Variants in VEPH1 observed in about 807,000 individuals in gnomAD.
The protein encoded by VEPH1 is ventricular zone expressed PH domain containing 1, also known as ventricular zone-expressed PH domain-containing protein homolog 1.
VEPH1 carries 80 observed loss-of-function variants against 85.2 expected under a neutral mutation model. That is an observed-to-expected ratio of 0.94 (90% CI 0.78 to 1.13). The LOEUF (loss-of-function observed/expected upper bound fraction) is 1.13. VEPH1 is among the 50% of genes most tolerant of loss of function. The pLI is 0.00. For missense variants in VEPH1, 955 were observed against 980.5 expected (o/e 0.97, Z 0.35); for synonymous variants, 297 against 348.0 (o/e 0.85, Z 1.63).
rs1739592151 is a variant in VEPH1 at position 157,495,435 on chromosome 3, TAGA to T, written c.-89_-87del. On this transcript the variant is annotated 5_prime_UTR_variant, in exon 2 of 14. Transcript: ENST00000362010. ...CAGAGGTCAGTAAGACAAAAACATG[TAGA>T]AGGAGGTATACTTCTTATTCCATGA... 1.3e-6 allele frequency: 2 copies of T among 1,557,484 alleles called. No individual in the cohort carries two copies. The highest frequency in any genetic ancestry group is 1.7e-6 in the Non-Finnish European group (2 of 1,154,888).
intron 2 of VEPH1, among the ~76,000 whole-genome samples, chr3:157,480,466 C>T (rs1020407385): frequency 5.0e-4 from 76 of 152,190 alleles, no homozygotes; most frequent in African/African-American, 1.7e-3. Context: ...CTCCCTCTTT[C>T]TCTAGTCTCC....
intron 9 of VEPH1, among the ~76,000 whole-genome samples, chr3:157,319,804 G>T (rs1257559356): frequency 2.6e-5 from 4 of 152,100 alleles, no homozygotes; most frequent in Non-Finnish European, 5.9e-5. Context: ...GAGCCTACCA[G>T]CTTTTTATAC....
chr3:157,361,647 A>G (rs1478476684), intron 9 of VEPH1, among the ~76,000 whole-genome samples: 1 of 152,190 alleles, frequency 6.6e-6, no homozygotes, highest in Non-Finnish European at 1.5e-5. Flanking sequence ...CTGCCTAAGA[A>G]TTGTTATTGT....
At chr3:157,475,336 T>A (rs149676133) in intron 2 of VEPH1, among the ~76,000 whole-genome samples, 1 of 152,250 alleles carries the variant, frequency 6.6e-6, no homozygotes, top group Admixed American at 6.5e-5. Context: ...ATTAAATATA[T>A]GTCTCTTCTT....
intron 11 of VEPH1, among the ~76,000 whole-genome samples, chr3:157,310,289 C>T (rs1382174443): frequency 6.6e-6 from 1 of 152,170 alleles, no homozygotes; most frequent in East Asian, 1.9e-4. Context: ...AGGTGGGGTG[C>T]TGGCTAGGGA....
intron 9 of VEPH1, among the ~76,000 whole-genome samples, chr3:157,318,240 G>T (rs1210798304): frequency 6.6e-6 from 1 of 152,160 alleles, no homozygotes; most frequent in Non-Finnish European, 1.5e-5. Context: ...TTTTTAATCT[G>T]TAGAGTCATA....
chr3:157,451,724 C>T (rs931478319), intron 4 of VEPH1, among the ~76,000 whole-genome samples: 2 of 152,134 alleles, frequency 1.3e-5, no homozygotes, highest in Admixed American at 1.3e-4. Flanking sequence ...GAGGCAAACA[C>T]CCCTGCCACA....
chr3:157,494,582 C>A (rs952400066), intron 2 of VEPH1, among the ~76,000 whole-genome samples: 2 of 152,134 alleles, frequency 1.3e-5, no homozygotes, highest in African/African-American at 4.8e-5. Context: ...TCTGATCACA[C>A]TGGGGACTAA....
At position 157,414,005 on chromosome 3, in the gene VEPH1, A is replaced by C; in HGVS notation, c.782T>G (p.Ile261Arg). 6.2e-7 allele frequency: 1 copy of C among 1,613,148 alleles called. No individual in the cohort carries two copies. The highest frequency in any genetic ancestry group is 8.5e-7 in the Non-Finnish European group (1 of 1,179,288). ...NDIILNILIE[I>R]AVYEPVALNS... ...CAAAGCCACTGGCTCATAGACTGCTATCTCTATGAGGATGTTTAGGATGAT... is the reference window on the plus strand; with the variant it reads ...CAAAGCCACTGGCTCATAGACTGCTCTCTCTATGAGGATGTTTAGGATGAT... Residue 261 changes from isoleucine (I) to arginine (R), a missense_variant, in exon 6 of 14, where the codon ATA becomes AGA. Ile to Arg is a moderately conservative substitution (Grantham distance 97). Coordinates refer to ENST00000362010, the MANE Select transcript of VEPH1 (RefSeq NM_001167912.2).
chr3:157,469,577 C>T (rs549205978), intron 3 of VEPH1, among the ~76,000 whole-genome samples: 1 of 152,286 alleles, frequency 6.6e-6, no homozygotes, highest in South Asian at 2.1e-4. Flanking sequence ...TGCCATGAAA[C>T]ATTGTGATCA....
intron 9 of VEPH1, among the ~76,000 whole-genome samples, chr3:157,352,735 T>C (rs146740559): frequency 2.8e-3 from 421 of 152,350 alleles, no homozygotes; most frequent in African/African-American, 9.7e-3. Context: ...TAATGTTTTA[T>C]ACTTTGCCAG....
At chr3:157,314,442 T>G (rs982966490) in intron 10 of VEPH1, among the ~76,000 whole-genome samples, 8 of 151,776 alleles carry the variant, frequency 5.3e-5, no homozygotes, top group African/African-American at 1.9e-4. Flanking sequence ...TTTCATAGTA[T>G]TTTCAAGGCA....
At chr3:157,423,111 C>T (rs1732475321) in intron 5 of VEPH1, among the ~76,000 whole-genome samples, 1 of 152,152 alleles carries the variant, frequency 6.6e-6, no homozygotes, top group Non-Finnish European at 1.5e-5. Context: ...TTGTTCATTT[C>T]TTAATTCAAT....
chr3:157,307,088 G>C (rs1272827564), intron 11 of VEPH1, among the ~76,000 whole-genome samples: 3 of 151,886 alleles, frequency 2.0e-5, no homozygotes, highest in African/African-American at 4.8e-5. Context: ...AAACCTTCTT[G>C]TATTTAAGCA....
chr3:157,498,551 T>A (rs1461465079), intron 1 of VEPH1, among the ~76,000 whole-genome samples: 1 of 152,188 alleles, frequency 6.6e-6, no homozygotes, highest in East Asian at 1.9e-4. Flanking sequence ...AGTTGCCAAG[T>A]CAGGATTGAA....
Position 157,260,233 on chromosome 3 carries a change from G to A in VEPH1, c.*901C>T, listed in dbSNP as rs1367146334. 6.6e-6 allele frequency: 1 copy of A among 152,036 alleles called. No homozygotes were observed. Among genetic ancestry groups the A allele is most frequent in the African/African-American group, 2.4e-5 (1 of 41,408 alleles). 9.4% of individuals were successfully genotyped at this position (152,036 alleles called of 1,614,324 possible). A position where few individuals can be genotyped will look rare whatever the true frequency, so the allele number is the denominator to read the frequency against. ...TCAATGGGGGAGAGGATTATACCAA[G>A]GCATGGATTATTGAGAATCACTCTA... On this transcript the variant is annotated 3_prime_UTR_variant, in exon 14 of 14. Transcript: ENST00000362010.
At chr3:157,368,579 C>A (rs1378630706) in intron 7 of VEPH1, among the ~76,000 whole-genome samples, 1 of 151,984 alleles carries the variant, frequency 6.6e-6, no homozygotes, top group Non-Finnish European at 1.5e-5. Flanking sequence ...GCAAGCTCTG[C>A]TTCGCGGGTT....
At chr3:157,282,598 TA>T (rs1264446591) in intron 12 of VEPH1, among the ~76,000 whole-genome samples, 1 of 152,228 alleles carries the variant, frequency 6.6e-6, no homozygotes, top group African/African-American at 2.4e-5. Context: ...TTGTTTTTTG[TA>T]GGGTGTAAGA....
intron 5 of VEPH1, among the ~76,000 whole-genome samples, chr3:157,418,537 A>G (rs1732093438): frequency 6.6e-6 from 1 of 152,194 alleles, no homozygotes. Context: ...ATATAACAAC[A>G]GCAGGGAAGC....
Sources: allele counts gnomAD v4.1 joint callset (sites outside exome capture counted in the v4.1 genomes callset), GRCh38; gene constraint gnomAD v4.1.1; transcripts MANE v1.5; gene names NCBI Gene and HGNC (gene_info 2026-07-23, HGNC 2026-07-21).